Variants in GRK4 observed in about 807,000 individuals in gnomAD.
GRK4 encodes the protein G protein-coupled receptor kinase 4, also known as G protein-coupled receptor kinase 2-like.
Under a neutral mutation model 77.9 loss-of-function variants are expected in GRK4, and 73 were observed. The ratio of observed to expected loss-of-function variants is 0.94; its 90% CI spans 0.78 to 1.14. GRK4 has a LOEUF of 1.14. GRK4 is among the 50% of genes most tolerant of loss of function. The pLI is 0.00. For missense variants in GRK4, 729 were observed against 700.2 expected (o/e 1.04, Z -0.46); for synonymous variants, 257 against 254.4 (o/e 1.01, Z -0.10).
intron 2 of GRK4, among the ~76,000 whole-genome samples, chr4:2,988,410 G>A (rs1017786282): frequency 4.6e-5 from 7 of 152,070 alleles, no homozygotes; most frequent in African/African-American, 1.4e-4. Flanking sequence ...AAATTGGATT[G>A]TCTTTTTGTT....
At chr4:2,994,002 C>T (rs1286219965) in intron 4 of GRK4, among the ~76,000 whole-genome samples, 1 of 152,080 alleles carries the variant, frequency 6.6e-6, no homozygotes, top group Non-Finnish European at 1.5e-5. Flanking sequence ...GAGGGGATGG[C>T]CAGCAGGACC....
At position 2,979,403 on chromosome 4, in the gene GRK4, CAA is replaced by C. The variant is rs144374548; in HGVS notation, c.53-5088_53-5087del. ...TGAGTGACAGAGGGAGACTCTGTCT[CAA>C]AAAAAAAAAAAAAAAAAAAAAGAGT... On this transcript the variant is annotated intron_variant, in intron 1 of 15. Transcript: ENST00000398052. Among the ~76,000 whole-genome samples, 489 of 59,178 alleles carry C rather than the reference CAA, an allele frequency of 8.3e-3. 4 individuals are homozygous for C. Among genetic ancestry groups the C allele is most frequent in the African/African-American group, 0.033 (473 of 14,412 alleles). 38.8% of individuals were successfully genotyped at this position (59,178 alleles called of 152,430 possible).
At position 3,035,029 on chromosome 4, in the gene GRK4, G is replaced by A. The variant is rs10023504; in HGVS notation, c.1270-357G>A. On this transcript the variant is annotated intron_variant, in intron 12 of 15. Coordinates refer to ENST00000398052, the MANE Select transcript of GRK4 (RefSeq NM_182982.3). ...TCCCAGCACTTTGGGAGGTCGAGGC[G>A]GGTGGATCACGAGGTCAGGAGATGG... is the stretch of plus-strand genomic sequence containing the variant. 2.7e-3 allele frequency among the ~76,000 whole-genome samples: 411 copies of A among 152,040 alleles called. 2 individuals carry two copies. The highest frequency in any genetic ancestry group is 9.6e-3 in the African/African-American group (398 of 41,490).
chr4:3,024,667 C>G (rs181425979), intron 10 of GRK4, among the ~76,000 whole-genome samples: 17 of 152,214 alleles, frequency 1.1e-4, no homozygotes, highest in Non-Finnish European at 7.4e-5. Flanking sequence ...CGAGACCAGC[C>G]TGGCCAACAT....
intron 13 of GRK4, among the ~76,000 whole-genome samples, chr4:3,036,700 G>A (rs1740739510): frequency 6.6e-6 from 1 of 152,226 alleles, no homozygotes; most frequent in African/African-American, 2.4e-5. Flanking sequence ...CTGGGTTCCT[G>A]TCCCAGAGGA....
chr4:2,980,703 C>T (rs1405915389), intron 1 of GRK4, among the ~76,000 whole-genome samples: 1 of 152,150 alleles, frequency 6.6e-6, no homozygotes, highest in Admixed American at 6.5e-5. Flanking sequence ...TGCCACATAC[C>T]CGTGAACACA....
Position 3,013,695 on chromosome 4 carries a change from C to T in GRK4, c.608C>T (p.Ala203Val). ...LGKGGFGEVC[A>V]CQVRATGKMY... ...TTTTGCTGTTTAAACTAGGTTTGCG[C>T]CTGTCAAGTGCGAGCCACAGGAAAA... Residue 203 changes from alanine to valine, a missense_variant, in exon 8 of 16, where the codon GCC becomes GTC. Ala to Val is a moderately conservative substitution (Grantham distance 64, BLOSUM62 0). Coordinates refer to ENST00000398052, the MANE Select transcript of GRK4 (RefSeq NM_182982.3). The T allele has an allele frequency of 6.2e-7, 1 of 1,607,320 alleles. No homozygotes were observed.
chr4:3,012,042 G>T (rs907530330), intron 7 of GRK4, among the ~76,000 whole-genome samples: 1 of 152,154 alleles, frequency 6.6e-6, no homozygotes. Flanking sequence ...GGCCCTGCCC[G>T]CCAGGCTGCT....
chr4:3,038,281 G>A (rs1741396141), intron 14 of GRK4, 95 bp from the exon 15 acceptor site: 16 of 1,505,894 alleles, frequency 1.1e-5, no homozygotes, highest in Middle Eastern at 1.8e-4. Context: ...GAGGTGCCCC[G>A]CACGGGGCTG....
rs778692636 is a variant in GRK4 at position 2,988,761 on chromosome 4, G to A, written c.183G>A (p.Pro61=). The A allele has an allele frequency of 2.7e-5, 43 of 1,612,400 alleles. No homozygotes were observed. In the East Asian group the frequency reaches 5.8e-4, roughly 22 times the overall value. Reference sequence around the variant, plus strand: ...ATAGCAGTCTTTGTGACAAGCAACCGATAGGAAGACGTCTCTTCAGGCAGT... The same window carrying A: ...ATAGCAGTCTTTGTGACAAGCAACCAATAGGAAGACGTCTCTTCAGGCAGT... ...KDYSSLCDKQ[P]IGRRLFRQFC... Residue 61 remains proline, a synonymous_variant, in exon 3 of 16, where the codon CCG becomes CCA. Coordinates refer to ENST00000398052, the MANE Select transcript of GRK4 (RefSeq NM_182982.3).
chr4:2,990,259 T>C, intron 3 of GRK4, among the ~76,000 whole-genome samples: 1 of 138,320 alleles, frequency 7.2e-6, no homozygotes, highest in African/African-American at 2.7e-5. Flanking sequence ...TTTTTTTTTT[T>C]TTTTTTTTTT....
intron 4 of GRK4, 32 bp downstream of exon 4, chr4:2,992,324 A>G: frequency 7.0e-7 from 1 of 1,426,084 alleles, no homozygotes; most frequent in South Asian, 1.1e-5. Flanking sequence ...AAAAATTTGT[A>G]GATAAATAAT....
chr4:2,971,679 G>A (rs1719586530), intron 1 of GRK4, among the ~76,000 whole-genome samples: 2 of 152,232 alleles, frequency 1.3e-5, no homozygotes, highest in Non-Finnish European at 2.9e-5. Flanking sequence ...GACATTTATT[G>A]TCTCACAGTC....
intron 8 of GRK4, 77 bp downstream of exon 8, chr4:3,013,905 C>G (rs1560457896): frequency 1.4e-6 from 2 of 1,434,496 alleles, no homozygotes; most frequent in Non-Finnish European, 1.9e-6. Flanking sequence ...CCGCTCAGCT[C>G]ACGCTCACTG....
intron 1 of GRK4, among the ~76,000 whole-genome samples, chr4:2,968,526 G>C (rs879539260): frequency 2.6e-5 from 4 of 152,164 alleles, no homozygotes; most frequent in Non-Finnish European, 4.4e-5. Flanking sequence ...ACAGGATGTG[G>C]GACTCATTCA....
chr4:3,014,148 C>T (rs753728820), intron 8 of GRK4, among the ~76,000 whole-genome samples: 1 of 152,094 alleles, frequency 6.6e-6, no homozygotes, highest in Non-Finnish European at 1.5e-5. Flanking sequence ...ATTAGTTACC[C>T]GTGTTTCTTG....
chr4:2,964,914 C>T (rs1293174680), intron 1 of GRK4, among the ~76,000 whole-genome samples: 1 of 151,808 alleles, frequency 6.6e-6, no homozygotes, highest in African/African-American at 2.4e-5. Flanking sequence ...GAATAGGCTC[C>T]AGACACCCCC....
intron 8 of GRK4, among the ~76,000 whole-genome samples, chr4:3,019,344 G>A (rs2109972556): frequency 6.6e-6 from 1 of 152,318 alleles, no homozygotes; most frequent in South Asian, 2.1e-4. Context: ...CAGGGCTCAA[G>A]TGATGAGAGC....
At chr4:3,003,403 C>T (rs1730410762) in intron 4 of GRK4, among the ~76,000 whole-genome samples, 1 of 152,022 alleles carries the variant, frequency 6.6e-6, no homozygotes. Context: ...GTTGGCCAGG[C>T]TGGTCTTGAA....
Sources: allele counts gnomAD v4.1 joint callset (sites outside exome capture counted in the v4.1 genomes callset), GRCh38; gene constraint gnomAD v4.1.1; transcripts MANE v1.5; gene names NCBI Gene and HGNC (gene_info 2026-07-23, HGNC 2026-07-21).